SEMA3E: variants seen among roughly 807,000 people sequenced by gnomAD.
SEMA3E encodes semaphorin 3E.
SEMA3E carries 49 observed loss-of-function variants against 93.6 expected under a neutral mutation model. The observed-to-expected ratio is 0.52, with a 90% CI of 0.42 to 0.66. SEMA3E has a LOEUF of 0.66. SEMA3E is among the 30% of genes least tolerant of loss of function. The probability of loss-of-function intolerance (pLI) is 0.00; values close to 1 mark genes in which losing one functional copy is unlikely to be tolerated. For missense variants in SEMA3E, 906 were observed against 964.8 expected (o/e 0.94, Z 0.81); for synonymous variants, 363 against 330.7 (o/e 1.10, Z -1.06).
At chr7:83,563,645 C>T (rs1008319640) in intron 1 of SEMA3E, among the ~76,000 whole-genome samples, 4 of 152,186 alleles carry the variant, frequency 2.6e-5, no homozygotes, top group African/African-American at 9.7e-5. Flanking sequence ...GCTCTTATGC[C>T]TTCAATCCAA....
chr7:83,385,216 C>T, intron 16 of SEMA3E, 78 bp downstream of exon 16: 1 of 1,512,862 alleles, frequency 6.6e-7, no homozygotes, highest in Admixed American at 1.8e-5. Flanking sequence ...CATTTTTCAG[C>T]ATCCAAATAA....
intron 1 of SEMA3E, among the ~76,000 whole-genome samples, chr7:83,517,783 C>T (rs1222717474): frequency 6.6e-6 from 1 of 152,028 alleles, no homozygotes; most frequent in Non-Finnish European, 1.5e-5. Context: ...AACAAGTACC[C>T]CATATACTTG....
chr7:83,423,048 G>C (rs2115712723), intron 4 of SEMA3E, among the ~76,000 whole-genome samples: 1 of 152,260 alleles, frequency 6.6e-6, no homozygotes, highest in South Asian at 2.1e-4. Flanking sequence ...TTACATACCA[G>C]TGTGTTCAAC....
intron 2 of SEMA3E, among the ~76,000 whole-genome samples, chr7:83,489,806 A>G (rs969544793): frequency 2.0e-5 from 3 of 152,120 alleles, no homozygotes; most frequent in Admixed American, 1.3e-4. Flanking sequence ...GTGGTGATTC[A>G]TCATGCTCCA....
chr7:83,517,639 A>G (rs956779157), intron 1 of SEMA3E, among the ~76,000 whole-genome samples: 1 of 152,056 alleles, frequency 6.6e-6, no homozygotes. Context: ...AATTAGGGAG[A>G]GAGGTAGCAG....
chr7:83,387,500 A>G (rs1439970240), intron 14 of SEMA3E, among the ~76,000 whole-genome samples: 4 of 152,092 alleles, frequency 2.6e-5, no homozygotes, highest in Non-Finnish European at 4.4e-5. Flanking sequence ...GTTAAAATCC[A>G]AATAGTTTGT....
At chr7:83,440,050 G>A (rs961869759) in intron 4 of SEMA3E, among the ~76,000 whole-genome samples, 2 of 152,138 alleles carry the variant, frequency 1.3e-5, no homozygotes, top group South Asian at 2.1e-4. Flanking sequence ...AACAATTTCT[G>A]CAGAGCACTT....
At chr7:83,405,112 C>T (rs1446404017) in intron 9 of SEMA3E, among the ~76,000 whole-genome samples, 1 of 151,622 alleles carries the variant, frequency 6.6e-6, no homozygotes, top group Non-Finnish European at 1.5e-5. Flanking sequence ...GACTTTACAA[C>T]ATATAATAAC....
In SEMA3E at chr7:83,506,512, T is replaced by TA. The variant is rs754357257; in HGVS notation, c.116-16239dup. 2.4e-3 allele frequency among the ~76,000 whole-genome samples: 359 copies of TA among 149,220 alleles called. 3 individuals are homozygous for TA. The highest frequency in any genetic ancestry group is 0.01 in the Middle Eastern group (3 of 290). ...TGTGGATGTGAGGATGGTTAATGGATAAAAAAAAATAGAATAAATAAGATC... is the reference window on the plus strand; with the variant it reads ...TGTGGATGTGAGGATGGTTAATGGATAAAAAAAAAATAGAATAAATAAGATC... On this transcript the variant is annotated intron_variant, in intron 1 of 16. Transcript: ENST00000643230.
chr7:83,385,677 G>C (rs1232629432), intron 15 of SEMA3E, among the ~76,000 whole-genome samples: 3 of 152,084 alleles, frequency 2.0e-5, no homozygotes, highest in Non-Finnish European at 4.4e-5. Context: ...CAAAGGATGG[G>C]ACAGGATAGT....
chr7:83,564,791 G>T (rs1484074534), intron 1 of SEMA3E, among the ~76,000 whole-genome samples: 2 of 151,922 alleles, frequency 1.3e-5, no homozygotes, highest in African/African-American at 4.8e-5. Flanking sequence ...TTACATGGTT[G>T]GCTAAAAAAA....
At chr7:83,468,884 A>G (rs1339417873) in intron 3 of SEMA3E, among the ~76,000 whole-genome samples, 1 of 152,240 alleles carries the variant, frequency 6.6e-6, no homozygotes, top group Non-Finnish European at 1.5e-5. Context: ...TAAACAATGT[A>G]AAGTGAAATC....
chr7:83,596,280 G>T (rs1792870433), intron 1 of SEMA3E, among the ~76,000 whole-genome samples: 1 of 151,008 alleles, frequency 6.6e-6, no homozygotes, highest in Non-Finnish European at 1.5e-5. Context: ...CCTTCTTTTT[G>T]AGCACATTAA....
chr7:83,590,486 A>C (rs1168714074), intron 1 of SEMA3E, among the ~76,000 whole-genome samples: 2 of 152,188 alleles, frequency 1.3e-5, no homozygotes, highest in South Asian at 4.1e-4. Context: ...GTTCACGCTC[A>C]CCATTGTTAG....
chr7:83,484,156 C>T (rs1171189981), intron 2 of SEMA3E, among the ~76,000 whole-genome samples: 1 of 152,180 alleles, frequency 6.6e-6, no homozygotes, highest in Non-Finnish European at 1.5e-5. Flanking sequence ...GTTTCTCTAT[C>T]AGATATGGTG....
At chr7:83,434,935 G>A (rs1430788484) in intron 4 of SEMA3E, among the ~76,000 whole-genome samples, 1 of 151,452 alleles carries the variant, frequency 6.6e-6, no homozygotes, top group Admixed American at 6.6e-5. Context: ...GGATGGTCTC[G>A]ATCTCCTGAC....
At chr7:83,503,083 G>C (rs896452608) in intron 1 of SEMA3E, among the ~76,000 whole-genome samples, 1 of 150,662 alleles carries the variant, frequency 6.6e-6, no homozygotes, top group Admixed American at 6.6e-5. Flanking sequence ...TGTTGAAATA[G>C]GGCTTTCTTA....
At chr7:83,507,947 C>A (rs1016117738) in intron 1 of SEMA3E, among the ~76,000 whole-genome samples, 1 of 151,878 alleles carries the variant, frequency 6.6e-6, no homozygotes. Context: ...AAAACCCTGT[C>A]TCACAAAAAA....
intron 4 of SEMA3E, among the ~76,000 whole-genome samples, chr7:83,428,983 T>C (rs538055295): frequency 6.6e-6 from 1 of 152,274 alleles, no homozygotes; most frequent in African/African-American, 2.4e-5. Context: ...TTTTACCCAC[T>C]TTACTTATTG....
Sources: allele counts gnomAD v4.1 joint callset (sites outside exome capture counted in the v4.1 genomes callset), GRCh38; gene constraint gnomAD v4.1.1; transcripts MANE v1.5; gene names NCBI Gene and HGNC (gene_info 2026-07-23, HGNC 2026-07-21).